The following KANK1 variants were observed in gnomAD, a reference collection of about 807,000 sequenced individuals.
KANK1 encodes the protein KN motif and ankyrin repeat domains 1.
KANK1 carries 109 observed loss-of-function variants against 106.2 expected under a neutral mutation model. The observed-to-expected ratio is 1.03, with a 90% confidence interval of 0.88 to 1.20. KANK1 has a LOEUF of 1.20. Among genes scored for constraint, KANK1 ranks in the 50% most tolerant of loss-of-function variants. KANK1 has a pLI of 0.00. For synonymous variants in KANK1, 873 were observed against 652.2 expected (o/e 1.34, Z -5.16); for missense variants, 2,399 against 1,710.7 (o/e 1.40, Z -7.10).
At chr9:572,412 C>T (rs557388256) in intron 1 of KANK1, among the ~76,000 whole-genome samples, 2 of 152,020 alleles carry the variant, frequency 1.3e-5, no homozygotes, top group Non-Finnish European at 2.9e-5. Context: ...ATTAGCTGGG[C>T]GTGGTAGTGG....
intron 1 of KANK1, among the ~76,000 whole-genome samples, chr9:514,090 C>T (rs867725455): frequency 6.7e-6 from 1 of 149,362 alleles, no homozygotes; most frequent in Non-Finnish European, 1.5e-5. Context: ...CTCCTTCCCT[C>T]CTTCTCTTAC....
At chr9:528,116 A>C (rs2059884169) in intron 1 of KANK1, among the ~76,000 whole-genome samples, 1 of 151,600 alleles carries the variant, frequency 6.6e-6, no homozygotes, top group African/African-American at 2.4e-5. Context: ...GAGCCTGGGC[A>C]ACAGAGCGAG....
chr9:574,617 G>T (rs946728026), intron 1 of KANK1, among the ~76,000 whole-genome samples: 1 of 152,040 alleles, frequency 6.6e-6, no homozygotes, highest in African/African-American at 2.4e-5. Context: ...AGCACTTTGG[G>T]AGGCTGAGGC....
chr9:688,395 C>G (rs1299376142), intron 2 of KANK1, among the ~76,000 whole-genome samples: 1 of 152,212 alleles, frequency 6.6e-6, no homozygotes, highest in East Asian at 1.9e-4. Flanking sequence ...CAGTTGAAGT[C>G]AGGAGTTTGA....
intron 1 of KANK1, among the ~76,000 whole-genome samples, chr9:541,906 G>T (rs933853187): frequency 6.6e-6 from 1 of 151,444 alleles, no homozygotes; most frequent in African/African-American, 2.4e-5. Context: ...TGGCTAACAC[G>T]GTGAAACCCC....
intron 1 of KANK1, among the ~76,000 whole-genome samples, chr9:612,414 A>C (rs10119143): frequency 1.2e-3 from 179 of 152,346 alleles, no homozygotes; most frequent in African/African-American, 4.2e-3. Flanking sequence ...CCGGTTTCTT[A>C]GACATGATGT....
At chr9:635,245 C>A (rs1177355549) in intron 1 of KANK1, among the ~76,000 whole-genome samples, 1 of 152,032 alleles carries the variant, frequency 6.6e-6, no homozygotes, top group African/African-American at 2.4e-5. Context: ...TGCTCTCTGC[C>A]CCTCTAGATT....
intron 1 of KANK1, among the ~76,000 whole-genome samples, chr9:669,501 T>C (rs990399790): frequency 1.4e-5 from 2 of 138,958 alleles, no homozygotes; most frequent in African/African-American, 2.6e-5. Context: ...TATTTGAGGA[T>C]AGCAGGGTTT....
At chr9:579,972 C>T (rs572512400) in intron 1 of KANK1, among the ~76,000 whole-genome samples, 1 of 152,162 alleles carries the variant, frequency 6.6e-6, no homozygotes, top group East Asian at 1.9e-4. Flanking sequence ...ATGCTGTGTC[C>T]GAAATTGGTG....
intron 1 of KANK1, among the ~76,000 whole-genome samples, chr9:670,162 G>A (rs534395028): frequency 1.3e-5 from 2 of 152,216 alleles, no homozygotes; most frequent in Admixed American, 6.5e-5. Context: ...GAGTTTCTGT[G>A]AAACTGCTAT....
intron 1 of KANK1, among the ~76,000 whole-genome samples, chr9:575,198 T>G (rs933912546): frequency 2.6e-5 from 4 of 152,218 alleles, no homozygotes; most frequent in African/African-American, 4.8e-5. Context: ...GTAATGTCCT[T>G]AAAACTGCAT....
chr9:625,243 A>G (rs965363302), intron 1 of KANK1, among the ~76,000 whole-genome samples: 5 of 152,214 alleles, frequency 3.3e-5, no homozygotes, highest in African/African-American at 1.2e-4. Flanking sequence ...ATTTTTTAGT[A>G]CAGTTTTATA....
chr9:726,731 G>A (rs1397411886), intron 3 of KANK1, among the ~76,000 whole-genome samples: 1 of 151,904 alleles, frequency 6.6e-6, no homozygotes, highest in East Asian at 1.9e-4. Context: ...AGGTCAAGGC[G>A]GGCAGATTTC....
intron 1 of KANK1, among the ~76,000 whole-genome samples, chr9:547,103 C>T (rs895839090): frequency 1.3e-5 from 2 of 152,168 alleles, no homozygotes; most frequent in East Asian, 3.9e-4. Flanking sequence ...TTAGCAGCTC[C>T]CTCTGTTGGT....
At chr9:542,822 T>C (rs548119548) in intron 1 of KANK1, among the ~76,000 whole-genome samples, 1 of 145,102 alleles carries the variant, frequency 6.9e-6, no homozygotes, top group Non-Finnish European at 1.5e-5. Context: ...TTCTCACTTA[T>C]ATGTGGTATC....
In KANK1 at chr9:734,529, G is replaced by T. The variant is rs1249530346; in HGVS notation, c.3246-219G>T. ...AAAAATACAAAAATTAGCTGGGCCT[G>T]GTGGTGCACACCTGTAGTCCCAGCT... On this transcript the variant is annotated intron_variant, in intron 6 of 11. Transcript: ENST00000382297. The T allele has an allele frequency of 1.2e-5, 5 of 411,730 alleles. No individual in the cohort carries two copies. The East Asian group carries it at 2.3e-4, about 19-fold the overall frequency. 25.5% of individuals were successfully genotyped at this position (411,730 alleles called of 1,614,324 possible).
At chr9:597,368 CATTT>C (rs530965897) in intron 1 of KANK1, among the ~76,000 whole-genome samples, 8 of 151,876 alleles carry the variant, frequency 5.3e-5, no homozygotes, top group Non-Finnish European at 1.2e-4. Flanking sequence ...TCCTTGCAAA[CATTT>C]ATTTTCCCTT....
At chr9:502,681 C>T (rs371963434), upstream of KANK1, among the ~76,000 whole-genome samples, 40 of 152,154 alleles carry the variant, frequency 2.6e-4, 1 homozygote, top group African/African-American at 8.2e-4. Context: ...CGTCACCACG[C>T]CCAGCGAATT....
chr9:614,353 C>T (rs1831289187), intron 1 of KANK1, among the ~76,000 whole-genome samples: 1 of 152,036 alleles, frequency 6.6e-6, no homozygotes. Context: ...GATCTTTTAC[C>T]CATTTCCATC....
Sources: gnomAD v4.1 joint callset for allele counts (sites outside exome capture counted in the v4.1 genomes callset) on GRCh38, gnomAD v4.1.1 for gene constraint, MANE v1.5 for transcripts, NCBI Gene and HGNC (gene_info 2026-07-23, HGNC 2026-07-21) for gene names.